TTC7B: variants seen among roughly 807,000 people sequenced by gnomAD.
The protein encoded by TTC7B is tetratricopeptide repeat protein 7B.
Under a neutral mutation model 106.8 loss-of-function variants are expected in TTC7B, and 28 were observed. That is an observed-to-expected ratio of 0.26 (90% CI 0.19 to 0.36). The LOEUF (loss-of-function observed/expected upper bound fraction) is 0.36, where lower values mean the gene tolerates loss of function less well. Among genes scored for constraint, TTC7B ranks in the 10% least tolerant of loss-of-function variants. The pLI, the probability that TTC7B is intolerant of heterozygous loss-of-function variation, is 1.00. For missense variants in TTC7B, 862 were observed against 1,076.4 expected (o/e 0.80, Z 2.79); for synonymous variants, 405 against 430.6 (o/e 0.94, Z 0.74).
At chr14:90,756,228 A>C (rs751395927) in intron 3 of TTC7B, among the ~76,000 whole-genome samples, 12 of 152,200 alleles carry the variant, frequency 7.9e-5, no homozygotes, top group Non-Finnish European at 1.8e-4. Flanking sequence ...TCCATTCCAC[A>C]AATTCTCACT....
chr14:90,619,255 A>C (rs1054463590), intron 15 of TTC7B, among the ~76,000 whole-genome samples: 1 of 152,302 alleles, frequency 6.6e-6, no homozygotes, highest in South Asian at 2.1e-4. Context: ...TGTCTGTAAT[A>C]ATAAGTCAAA....
intron 19 of TTC7B, among the ~76,000 whole-genome samples, chr14:90,561,971 G>A (rs932291643): frequency 1.3e-5 from 2 of 152,162 alleles, no homozygotes; most frequent in South Asian, 2.1e-4. Flanking sequence ...CTCCCCAAAC[G>A]TGGGTGCTCC....
intron 19 of TTC7B, among the ~76,000 whole-genome samples, chr14:90,549,443 C>T (rs984178316): frequency 5.9e-5 from 9 of 152,216 alleles, no homozygotes; most frequent in African/African-American, 1.9e-4. Flanking sequence ...ATCATCCCAC[C>T]TTTGTCTCCC....
intron 1 of TTC7B, among the ~76,000 whole-genome samples, chr14:90,809,121 C>A (rs923779051): frequency 2.0e-5 from 3 of 152,200 alleles, no homozygotes; most frequent in African/African-American, 7.2e-5. Flanking sequence ...CACCGCCACC[C>A]TCCTTGGGTC....
chr14:90,766,244 C>CAA (rs145656690), intron 3 of TTC7B, among the ~76,000 whole-genome samples: 2 of 133,382 alleles, frequency 1.5e-5, no homozygotes, highest in Non-Finnish European at 3.0e-5. Context: ...TCAACAACAT[C>CAA]AAAAAAAAAT....
intron 16 of TTC7B, among the ~76,000 whole-genome samples, chr14:90,617,312 A>G (rs530658204): frequency 4.4e-4 from 67 of 151,242 alleles, no homozygotes; most frequent in African/African-American, 1.6e-3. Context: ...TTTTGTATCT[A>G]CTTGCAAATC....
In TTC7B at chr14:90,577,193, AAAC is replaced by A. The variant is rs751364521; in HGVS notation, c.2310+910_2310+912del. On this transcript the variant is annotated intron_variant, in intron 19 of 19. Transcript: ENST00000328459. This position sits in a 1 kb window ranked among gnomAD's most constrained non-coding sequence, Gnocchi z 5.0. ...TCAGCGATGTCTACTGCTAAAAATG[AAAC>A]AACAATTCAGAACCAAAGCCCAGCA... Among the ~76,000 whole-genome samples, 13 of 152,340 alleles carry A rather than the reference AAAC, an allele frequency of 8.5e-5. 1 individual carries two copies. In the East Asian group the frequency reaches 1.4e-3, roughly 16 times the overall value.
chr14:90,695,058 ATTT>A (rs1462466552), intron 6 of TTC7B, among the ~76,000 whole-genome samples: 4 of 110,520 alleles, frequency 3.6e-5, no homozygotes, highest in South Asian at 2.8e-4. Flanking sequence ...AATATATTTT[ATTT>A]TATTATAAAA....
At chr14:90,561,592 C>T (rs966667076) in intron 19 of TTC7B, among the ~76,000 whole-genome samples, 4 of 152,348 alleles carry the variant, frequency 2.6e-5, no homozygotes, top group East Asian at 3.9e-4. Flanking sequence ...TGAACACCAT[C>T]GTCCCCACAT....
intron 5 of TTC7B, among the ~76,000 whole-genome samples, chr14:90,710,531 C>T (rs930380266): frequency 6.6e-6 from 1 of 152,144 alleles, no homozygotes; most frequent in Non-Finnish European, 1.5e-5. Flanking sequence ...TGCTATGAAA[C>T]AGCATTGCAT....
chr14:90,718,554 T>G (rs1888748808), intron 5 of TTC7B, among the ~76,000 whole-genome samples: 1 of 152,200 alleles, frequency 6.6e-6, no homozygotes, highest in Non-Finnish European at 1.5e-5. Flanking sequence ...GTGGTCGTAG[T>G]GTATCTCCCG....
chr14:90,793,121 C>T (rs1166754671), intron 1 of TTC7B, among the ~76,000 whole-genome samples: 1 of 152,156 alleles, frequency 6.6e-6, no homozygotes, highest in Non-Finnish European at 1.5e-5. Flanking sequence ...CTTTTTCTCT[C>T]TCTCTTGTTT....
At chr14:90,679,356 G>T (rs1024064227) in intron 8 of TTC7B, among the ~76,000 whole-genome samples, 39 of 152,134 alleles carry the variant, frequency 2.6e-4, no homozygotes, top group African/African-American at 9.4e-4. Context: ...GCGCATGTAC[G>T]TTATTATGCT....
chr14:90,560,030 G>A (rs779647450), intron 19 of TTC7B, among the ~76,000 whole-genome samples: 4 of 152,186 alleles, frequency 2.6e-5, no homozygotes, highest in Non-Finnish European at 5.9e-5. Flanking sequence ...TCAGATCTGT[G>A]CCACAAGCGC....
chr14:90,748,947 C>G (rs562293442), intron 3 of TTC7B, among the ~76,000 whole-genome samples: 3 of 152,272 alleles, frequency 2.0e-5, no homozygotes, highest in Admixed American at 2.0e-4. Flanking sequence ...CAGCTACTAT[C>G]TGCCTTGAAA....
chr14:90,704,616 C>G (rs1888131425), intron 5 of TTC7B, among the ~76,000 whole-genome samples: 2 of 152,344 alleles, frequency 1.3e-5, no homozygotes, highest in South Asian at 4.1e-4. Context: ...CACAGGCCAG[C>G]TGAAGTCTCT....
chr14:90,786,741 G>A (rs541136733), intron 1 of TTC7B, among the ~76,000 whole-genome samples: 9 of 152,176 alleles, frequency 5.9e-5, no homozygotes, highest in African/African-American at 1.4e-4. Context: ...CATCACGCCC[G>A]ACTACTTTTT....
At chr14:90,664,162 T>C (rs1886317256) in intron 9 of TTC7B, among the ~76,000 whole-genome samples, 2 of 152,192 alleles carry the variant, frequency 1.3e-5, no homozygotes. Context: ...TGCCTATCCC[T>C]TTTTAAGAAC....
In TTC7B at chr14:90,644,073, G is replaced by C. The variant is rs200529596; in HGVS notation, c.1726C>G (p.Leu576Val). 131 of 1,613,950 alleles carry C rather than the reference G, an allele frequency of 8.1e-5. No individual in the cohort carries two copies. Among genetic ancestry groups the C allele is most frequent in the Non-Finnish European group, 1.9e-5 (22 of 1,180,024 alleles). Residue 576 changes from leucine (L) to valine (V), a missense_variant, in exon 15 of 20, where the codon CTG (leucine) becomes GTG (valine). Physicochemically the swap from Leu to Val is conservative, Grantham distance 32. Transcript: ENST00000328459. ...ATGAAATTTTCTGGGTATTCACTCAGGGCCATGTCGATGATGTTCAGAGCG... is the reference window on the plus strand; with the variant it reads ...ATGAAATTTTCTGGGTATTCACTCACGGCCATGTCGATGATGTTCAGAGCG... The part of the protein sequence containing the change: ...HDALNIIDMA[L>V]SEYPENFILL...
Sources: allele counts gnomAD v4.1 joint callset (sites outside exome capture counted in the v4.1 genomes callset), GRCh38; gene constraint gnomAD v4.1.1; non-coding constraint Gnocchi (gnomAD v3.1); transcripts MANE v1.5; gene names NCBI Gene and HGNC (gene_info 2026-07-23, HGNC 2026-07-21).